The following NNT variants were observed in gnomAD, a reference collection of about 807,000 sequenced individuals.
The protein encoded by NNT is nicotinamide nucleotide transhydrogenase, also known as NAD(P) transhydrogenase, mitochondrial.
A neutral mutation model predicts 104.8 loss-of-function variants in NNT; 50 were observed. The ratio of observed to expected loss-of-function variants is 0.48; its 90% CI spans 0.38 to 0.60. NNT has a LOEUF of 0.60. Ranked by LOEUF, NNT falls within the 20% of genes least tolerant of loss-of-function variation. The pLI is 0.00. For missense variants in NNT, 1,131 were observed against 1,330.7 expected (o/e 0.85, Z 2.33); for synonymous variants, 461 against 490.4 (o/e 0.94, Z 0.79).
chr5:43,624,853 G>A (rs1750281531), intron 6 of NNT, among the ~76,000 whole-genome samples: 1 of 151,988 alleles, frequency 6.6e-6, no homozygotes, highest in Non-Finnish European at 1.5e-5. Context: ...ATCAGCTGAG[G>A]GTACTGGAGG....
rs541401723 is a variant in NNT at position 43,682,901 on chromosome 5, T to A, written c.2876+5095T>A. Reference sequence around the variant, plus strand: ...CTGGTCTTATGGAATTTACATTAGTTAATTAATTGATTAATTAATAGGCTT... The same window carrying A: ...CTGGTCTTATGGAATTTACATTAGTAAATTAATTGATTAATTAATAGGCTT... On this transcript the variant is annotated intron_variant, in intron 19 of 21. Transcript: ENST00000344920. Among the ~76,000 whole-genome samples the A allele has an allele frequency of 2.0e-5, 3 of 152,356 alleles. No homozygotes were observed. The East Asian group carries it at 5.8e-4, about 29-fold the overall frequency.
At chr5:43,630,929 A>T (rs1750641057) in intron 7 of NNT, among the ~76,000 whole-genome samples, 1 of 152,188 alleles carries the variant, frequency 6.6e-6, no homozygotes, top group Non-Finnish European at 1.5e-5. Flanking sequence ...TTGCTTTGTC[A>T]TGAGGCTATG....
chr5:43,624,665 G>A (rs574868720), intron 6 of NNT, among the ~76,000 whole-genome samples: 3 of 152,288 alleles, frequency 2.0e-5, no homozygotes, highest in African/African-American at 7.2e-5. Flanking sequence ...TATGTATACT[G>A]TGTATTTCTT....
At chr5:43,613,593 A>G (rs1392292240) in intron 3 of NNT, 1 of 153,454 alleles carries the variant, frequency 6.5e-6, no homozygotes, top group African/African-American at 2.4e-5. Context: ...TATTTTGGAG[A>G]AAGCAGCTTT....
At chr5:43,672,072 G>A (rs1316524868) in intron 17 of NNT, among the ~76,000 whole-genome samples, 2 of 151,554 alleles carry the variant, frequency 1.3e-5, no homozygotes, top group African/African-American at 2.4e-5. Flanking sequence ...CCAGTTGATC[G>A]AATTGGCTAC....
chr5:43,608,667 G>A (rs1393358897), intron 1 of NNT, among the ~76,000 whole-genome samples: 1 of 152,142 alleles, frequency 6.6e-6, no homozygotes, highest in Non-Finnish European at 1.5e-5. Flanking sequence ...AGAGTATTTG[G>A]TATGACCTGG....
chr5:43,636,590 A>G (rs1008768524), intron 7 of NNT, among the ~76,000 whole-genome samples: 3 of 152,220 alleles, frequency 2.0e-5, no homozygotes, highest in Non-Finnish European at 2.9e-5. Context: ...AAATAATAAC[A>G]TCAGAATGCG....
intron 1 of NNT, among the ~76,000 whole-genome samples, chr5:43,605,517 C>T (rs1258906720): frequency 3.5e-5 from 3 of 85,854 alleles, no homozygotes; most frequent in African/African-American, 1.2e-4. Flanking sequence ...AGCGAGACTC[C>T]GTCTCAAAAA....
At chr5:43,650,876 C>G (rs59750428) in intron 12 of NNT, among the ~76,000 whole-genome samples, 3 of 152,100 alleles carry the variant, frequency 2.0e-5, no homozygotes, top group Non-Finnish European at 2.9e-5. Context: ...GAGCTATCAC[C>G]GTAACATCTA....
Position 43,656,676 on chromosome 5 carries a change from C to T in NNT, c.2317C>T (p.Leu773=), listed in dbSNP as rs190213776. The change falls in exon 16 of 22, where the codon CTA becomes TTA. Residue 773 remains leucine, a synonymous_variant. Transcript: ENST00000344920. ...LQGLLKSAPL[L]LPGRHLLNAG... ...AGGTCTCCTGAAATCTGCCCCTCTC[C>T]TACTGCCTGGAAGGCACTTACTCAA... is the stretch of plus-strand genomic sequence containing the variant. 6.6e-5 allele frequency: 107 copies of T among 1,613,478 alleles called. 2 individuals are homozygous for T. The East Asian group carries it at 2.3e-3, about 34-fold the overall frequency.
At position 43,655,906 on chromosome 5, in the gene NNT, T is replaced by C; in HGVS notation, c.2126T>C (p.Leu709Ser). Residue 709 changes from leucine (L) to serine (S), a missense_variant, in exon 15 of 22, where the codon TTA becomes TCA. Coordinates refer to ENST00000344920, the MANE Select transcript of NNT (RefSeq NM_182977.3). The stretch of plus-strand genomic sequence containing the variant: ...CAATTAGTTGCTGCTTTTCACAGTT[T>C]AGTGGGTTTGGCAGCTGTACTTACT... ...LPQLVAAFHS[L>S]VGLAAVLTCI... is the part of the protein sequence containing the mutation. 6.2e-7 allele frequency: 1 copy of C among 1,614,268 alleles called. No homozygotes were observed.
chr5:43,682,057 C>T (rs1420668739), intron 19 of NNT, among the ~76,000 whole-genome samples: 2 of 152,088 alleles, frequency 1.3e-5, no homozygotes, highest in African/African-American at 4.8e-5. Flanking sequence ...ACACATCTAG[C>T]TGCCTGTGGT....
chr5:43,667,253 G>A, intron 17 of NNT: 1 of 833,936 alleles, frequency 1.2e-6, no homozygotes. Context: ...TAAGCTGCCG[G>A]TCCCGAAGTG....
intron 4 of NNT, among the ~76,000 whole-genome samples, chr5:43,618,143 TTTA>T (rs780801425): frequency 1.2e-4 from 18 of 152,250 alleles, no homozygotes; most frequent in East Asian, 7.7e-4. Context: ...TATTATTTGA[TTTA>T]TTAAATAGTT....
In NNT at chr5:43,704,309, A is replaced by G; in HGVS notation, c.3166A>G (p.Ile1056Val). The G allele has an allele frequency of 1.2e-6, 2 of 1,610,582 alleles. No homozygotes were observed. The highest frequency in any genetic ancestry group is 1.3e-5 in the African/African-American group (1 of 74,690). ...GVGYAAVDNP[I>V]FYKPNTAMLL... ...TGGCTATGCTGCAGTGGACAATCCA[A>G]TCTTCTACAAACCTAACACGGCCAT... Residue 1056 changes from isoleucine to valine, a missense_variant, in exon 22 of 22, where the codon ATC (isoleucine) becomes GTC (valine). Ile to Val is a conservative substitution (Grantham distance 29). Coordinates refer to ENST00000344920, the MANE Select transcript of NNT (RefSeq NM_182977.3).
chr5:43,621,408 T>C (rs145733460), intron 5 of NNT, among the ~76,000 whole-genome samples: 14 of 152,166 alleles, frequency 9.2e-5, no homozygotes, highest in African/African-American at 3.4e-4. Context: ...TGAAGGCTTA[T>C]GATATGCGAG....
chr5:43,703,512 T>C (rs9292890), intron 21 of NNT, among the ~76,000 whole-genome samples: 2,333 of 152,324 alleles, frequency 0.015, 61 homozygotes, highest in African/African-American at 0.049. Flanking sequence ...TAGAGTGCAT[T>C]ACTATACTAA....
intron 17 of NNT, among the ~76,000 whole-genome samples, chr5:43,661,010 T>G (rs1208363485): frequency 6.6e-6 from 1 of 152,354 alleles, no homozygotes; most frequent in South Asian, 2.1e-4. Flanking sequence ...GAAAATCTCA[T>G]TGTAATTTGG....
chr5:43,703,050 G>C (rs1165246762), intron 21 of NNT, among the ~76,000 whole-genome samples: 1 of 152,190 alleles, frequency 6.6e-6, no homozygotes, highest in African/African-American at 2.4e-5. Flanking sequence ...ATCGAGTCCT[G>C]TGAAGCAGAT....
Sources: gnomAD v4.1 joint callset for allele counts (sites outside exome capture counted in the v4.1 genomes callset) on GRCh38, gnomAD v4.1.1 for gene constraint, MANE v1.5 for transcripts, NCBI Gene and HGNC (gene_info 2026-07-23, HGNC 2026-07-21) for gene names.